SH3PXD2B: variants seen among roughly 807,000 people sequenced by gnomAD.
SH3PXD2B encodes SH3 and PX domain-containing protein 2B.
SH3PXD2B carries 37 observed loss-of-function variants against 73.1 expected under a neutral mutation model. The ratio of observed to expected loss-of-function variants is 0.51; its 90% confidence interval spans 0.39 to 0.67. The LOEUF (loss-of-function observed/expected upper bound fraction) is 0.67, where lower values mean the gene tolerates loss of function less well. Among genes scored for constraint, SH3PXD2B ranks in the 30% least tolerant of loss-of-function variants. The pLI is 0.00. For synonymous variants in SH3PXD2B, 457 were observed against 480.5 expected (o/e 0.95, Z 0.64); for missense variants, 1,053 against 1,197.8 (o/e 0.88, Z 1.78).
rs1581268923 is a variant in SH3PXD2B at position 172,353,061 on chromosome 5, C to G, written c.785+827G>C. Among the ~76,000 whole-genome samples the G allele has an allele frequency of 6.6e-6, 1 of 152,146 alleles. No individual in the cohort carries two copies. Among genetic ancestry groups the G allele is most frequent in the African/African-American group, 2.4e-5 (1 of 41,436 alleles). The stretch of plus-strand genomic sequence containing the variant: ...ACCGTTTATGAGTTTGTCTTCTGTA[C>G]CAGGTGGTGTGAGCTATTGTATCTT... On this transcript the variant is annotated intron_variant, in intron 9 of 12. Transcript: ENST00000311601. The surrounding 1 kb of genome is among the most constrained non-coding windows in gnomAD (Gnocchi z 4.3).
In SH3PXD2B at chr5:172,348,660, TATC is replaced by T. The variant is rs1210977798; in HGVS notation, c.1013-1331_1013-1329del. Among the ~76,000 whole-genome samples, 211 of 30,450 alleles carry T rather than the reference TATC, an allele frequency of 6.9e-3. 1 individual carries two copies. Among genetic ancestry groups the T allele is most frequent in the African/African-American group, 0.013 (135 of 10,188 alleles). The allele number at this position is 30,450 out of a possible 152,430, so 20.0% of individuals were successfully genotyped here. ...TATGTATCTATCTATCTATCCTATC[TATC>T]TATCTATCTATCTATCTATCTATCT... is the stretch of plus-strand genomic sequence containing the variant. On this transcript the variant is annotated intron_variant, in intron 10 of 12. Coordinates refer to ENST00000311601, the MANE Select transcript of SH3PXD2B (RefSeq NM_001017995.3).
chr5:172,359,124 G>T (rs1757344753), intron 7 of SH3PXD2B, among the ~76,000 whole-genome samples: 1 of 152,152 alleles, frequency 6.6e-6, no homozygotes, highest in South Asian at 2.1e-4. Context: ...AAGAGGCAGG[G>T]CACGGTGGCT....
intron 1 of SH3PXD2B, among the ~76,000 whole-genome samples, chr5:172,425,953 C>CT (rs978747678): frequency 3.3e-5 from 5 of 152,108 alleles, no homozygotes; most frequent in African/African-American, 4.8e-5. Context: ...GTGCCCACCA[C>CT]TGGGGATGCT....
intron 6 of SH3PXD2B, among the ~76,000 whole-genome samples, chr5:172,365,574 C>T (rs1299478403): frequency 2.6e-5 from 4 of 151,050 alleles, no homozygotes; most frequent in Non-Finnish European, 5.9e-5. Flanking sequence ...GCCCTCTCCT[C>T]ATCCTCCACT....
At chr5:172,378,376 A>G (rs1757866434) in intron 5 of SH3PXD2B, among the ~76,000 whole-genome samples, 1 of 152,208 alleles carries the variant, frequency 6.6e-6, no homozygotes, top group Admixed American at 6.5e-5. Context: ...TTCTGCACAA[A>G]TAAGGACCTC....
intron 5 of SH3PXD2B, among the ~76,000 whole-genome samples, chr5:172,379,989 T>C (rs1447314659): frequency 6.6e-6 from 1 of 152,198 alleles, no homozygotes; most frequent in Admixed American, 6.5e-5. Flanking sequence ...TTCATTATCA[T>C]TTTGTTAAAA....
intron 3 of SH3PXD2B, among the ~76,000 whole-genome samples, chr5:172,399,983 A>G (rs182510510): frequency 2.8e-4 from 42 of 152,280 alleles, no homozygotes; most frequent in Non-Finnish European, 4.7e-4. Context: ...CCAGGAGAAG[A>G]AGGAACTGCA....
At chr5:172,391,455 G>A (rs1176936360) in intron 4 of SH3PXD2B, among the ~76,000 whole-genome samples, 1 of 152,010 alleles carries the variant, frequency 6.6e-6, no homozygotes, top group Non-Finnish European at 1.5e-5. Flanking sequence ...CCCAGTCCAC[G>A]GCTTGCCATT....
intron 8 of SH3PXD2B, among the ~76,000 whole-genome samples, chr5:172,356,166 T>C (rs1276253608): frequency 2.6e-5 from 4 of 151,910 alleles, no homozygotes; most frequent in Non-Finnish European, 5.9e-5. Context: ...CTAGGACTTG[T>C]GTTAAAGGAG....
At chr5:172,411,623 T>G (rs1758699291) in intron 2 of SH3PXD2B, among the ~76,000 whole-genome samples, 1 of 152,150 alleles carries the variant, frequency 6.6e-6, no homozygotes, top group Non-Finnish European at 1.5e-5. Context: ...GTCTGCAGGA[T>G]GAGGGACGCA....
Position 172,363,248 on chromosome 5 carries a change from CATCT to C in SH3PXD2B, c.428-383_428-380del, listed in dbSNP as rs566801850. ...TTCATCTATCTGCCGTCCATTCAAC[CATCT>C]ATCCACTCATGATATATCAAATTAA... On this transcript the variant is annotated intron_variant, in intron 6 of 12. Coordinates refer to ENST00000311601, the MANE Select transcript of SH3PXD2B (RefSeq NM_001017995.3). 9.2e-5 allele frequency among the ~76,000 whole-genome samples: 14 copies of C among 152,250 alleles called. No individual in the cohort carries two copies. In the East Asian group the frequency reaches 2.7e-3, roughly 29 times the overall value.
rs1302712392 is a variant in SH3PXD2B at position 172,339,961 on chromosome 5, C to G, written c.1189-45G>C. ...AAGGCACTTGGCTACGATGCCAGGG[C>G]CAGCAGATGGAATGGTTTGGCAGAA... On this transcript the variant is annotated intron_variant, in intron 12 of 12. Transcript: ENST00000311601. The surrounding 1 kb of genome is among the most constrained non-coding windows in gnomAD (Gnocchi z 6.1). The G allele has an allele frequency of 3.1e-6, 5 of 1,611,168 alleles. No individual in the cohort carries two copies. Among genetic ancestry groups the G allele is most frequent in the Non-Finnish European group, 4.2e-6 (5 of 1,178,730 alleles).
chr5:172,336,020 C>T lies in SH3PXD2B; in HGVS notation c.*2349G>A. On this transcript the variant is annotated 3_prime_UTR_variant, in exon 13 of 13. Coordinates refer to ENST00000311601, the MANE Select transcript of SH3PXD2B (RefSeq NM_001017995.3). ...CAAGTCTGCTCCTACCCAGCTGACC[C>T]CCGGGAGGAAGGAATGAAGCAAGAG... The T allele has an allele frequency of 1.0e-6, 1 of 1,004,064 alleles. No homozygotes were observed. The allele number at this position is 1,004,064 out of a possible 1,614,324, so 62.2% of individuals were successfully genotyped here. A position where few individuals can be genotyped will look rare whatever the true frequency, so the allele number is the denominator to read the frequency against.
At chr5:172,392,564 G>A (rs1205774653) in intron 4 of SH3PXD2B, among the ~76,000 whole-genome samples, 1 of 151,560 alleles carries the variant, frequency 6.6e-6, no homozygotes, top group African/African-American at 2.4e-5. Context: ...TTGAGGTCAG[G>A]AGTCTGAGAC....
At chr5:172,381,954 C>A in intron 5 of SH3PXD2B, 82 bp downstream of exon 5, 1 of 1,135,636 alleles carries the variant, frequency 8.8e-7, no homozygotes. Flanking sequence ...TTTGGCTGCA[C>A]TTTGCTTTAC....
chr5:172,377,000 T>C (rs1757835873), intron 5 of SH3PXD2B, among the ~76,000 whole-genome samples: 1 of 152,110 alleles, frequency 6.6e-6, no homozygotes, highest in Admixed American at 6.6e-5. Context: ...AGGCTGCTTC[T>C]ACAGAAAGCA....
intron 11 of SH3PXD2B, among the ~76,000 whole-genome samples, chr5:172,346,668 A>C (rs1451016870): frequency 6.6e-6 from 1 of 152,170 alleles, no homozygotes; most frequent in Admixed American, 6.5e-5. Context: ...CAGAGTGGGC[A>C]TAACAGTGTC....
intron 10 of SH3PXD2B, among the ~76,000 whole-genome samples, chr5:172,348,665 A>ATCTATCTGTCTG (rs1757067349): frequency 7.3e-5 from 3 of 41,314 alleles, no homozygotes; most frequent in African/African-American, 2.1e-4. Context: ...CTATCTATCT[A>ATCTATCTGTCTG]TCTATCTATC....
chr5:172,335,561 T>A lies in SH3PXD2B; in HGVS notation c.*2808A>T. ...TCCTATCCGCCTCACAGGCTTGCCGTAAGGATTAAAGGAGCGTGTGTGTTT... is the reference window on the plus strand; with the variant it reads ...TCCTATCCGCCTCACAGGCTTGCCGAAAGGATTAAAGGAGCGTGTGTGTTT... On this transcript the variant is annotated 3_prime_UTR_variant, in exon 13 of 13. Transcript: ENST00000311601. 8.1e-7 allele frequency: 1 copy of A among 1,231,720 alleles called. No individual in the cohort carries two copies. Among genetic ancestry groups the A allele is most frequent in the South Asian group, 4.1e-5 (1 of 24,322 alleles). The allele number at this position is 1,231,720 out of a possible 1,614,324, so 76.3% of individuals were successfully genotyped here.
Sources: allele counts gnomAD v4.1 joint callset (sites outside exome capture counted in the v4.1 genomes callset), GRCh38; gene constraint gnomAD v4.1.1; non-coding constraint Gnocchi (gnomAD v3.1); transcripts MANE v1.5; gene names NCBI Gene and HGNC (gene_info 2026-07-23, HGNC 2026-07-21).